STK33: variants seen among roughly 807,000 people sequenced by gnomAD.
STK33 encodes the protein serine/threonine-protein kinase 33.
Under a neutral mutation model 58.0 loss-of-function variants are expected in STK33, and 52 were observed. That is an observed-to-expected ratio of 0.90 (90% CI 0.72 to 1.13). The LOEUF is 1.13. Ranked by LOEUF, STK33 falls within the 50% of genes most tolerant of loss-of-function variation. The pLI is 0.00. For missense variants in STK33, 630 were observed against 604.2 expected (o/e 1.04, Z -0.45); for synonymous variants, 215 against 200.1 (o/e 1.07, Z -0.63).
intron 1 of STK33, among the ~76,000 whole-genome samples, chr11:8,501,847 A>G (rs1303965801): frequency 6.6e-6 from 1 of 152,236 alleles, no homozygotes; most frequent in East Asian, 1.9e-4. Flanking sequence ...TGGTATATAC[A>G]TACAATAGAG....
At chr11:8,522,614 C>T (rs1005326976) in intron 1 of STK33, among the ~76,000 whole-genome samples, 3 of 152,168 alleles carry the variant, frequency 2.0e-5, no homozygotes, top group Admixed American at 1.3e-4. Flanking sequence ...CCATGATTTA[C>T]TGGATATGAC....
At chr11:8,418,821 G>T (rs1322344063) in intron 14 of STK33, among the ~76,000 whole-genome samples, 1 of 152,094 alleles carries the variant, frequency 6.6e-6, no homozygotes, top group Non-Finnish European at 1.5e-5. Context: ...CTGTGGTCTT[G>T]ATTTGAATTT....
At chr11:8,345,841 G>A in the STK33 span, among the ~76,000 whole-genome samples, 2 of 152,196 alleles carry the variant, frequency 1.3e-5, no homozygotes, top group African/African-American at 4.8e-5. Context: ...AGATGGTAGA[G>A]ACCGCTCTTA....
chr11:8,423,242 T>C (rs1942213397), intron 14 of STK33, among the ~76,000 whole-genome samples: 1 of 151,864 alleles, frequency 6.6e-6, no homozygotes, highest in African/African-American at 2.4e-5. Context: ...ATTCTACCTT[T>C]GTGTTCTATT....
intron 14 of STK33, among the ~76,000 whole-genome samples, chr11:8,431,922 T>A (rs1376401818): frequency 6.6e-6 from 1 of 152,214 alleles, no homozygotes; most frequent in African/African-American, 2.4e-5. Context: ...CTTGCTTGCC[T>A]CCATACCTCT....
At chr11:8,495,110 T>C (rs1022109024) in intron 1 of STK33, among the ~76,000 whole-genome samples, 2 of 152,184 alleles carry the variant, frequency 1.3e-5, no homozygotes, top group Non-Finnish European at 2.9e-5. Flanking sequence ...CTAATTAAAC[T>C]GAAGAGCTTC....
chr11:8,391,191 G>A (rs1848616398), downstream of STK33, among the ~76,000 whole-genome samples: 1 of 152,176 alleles, frequency 6.6e-6, no homozygotes, highest in South Asian at 2.1e-4. Flanking sequence ...AAAGCTTAAA[G>A]CTCAGGATAT....
the STK33 span, among the ~76,000 whole-genome samples, chr11:8,353,871 A>G: frequency 6.6e-6 from 1 of 152,210 alleles, no homozygotes; most frequent in Non-Finnish European, 1.5e-5. Flanking sequence ...ATTTGGAACC[A>G]AATGTGACCA....
At chr11:8,463,890 G>A (rs554798002) in intron 7 of STK33, among the ~76,000 whole-genome samples, 2 of 152,200 alleles carry the variant, frequency 1.3e-5, no homozygotes, top group East Asian at 3.9e-4. Context: ...GATGCTACCC[G>A]AATTCTAAAG....
intron 1 of STK33, among the ~76,000 whole-genome samples, chr11:8,522,498 T>C (rs1044167299): frequency 3.9e-5 from 6 of 152,048 alleles, no homozygotes; most frequent in Admixed American, 6.6e-5. Flanking sequence ...AATTGGATCT[T>C]TATCTAACAC....
At chr11:8,584,918 G>A (rs2031212842) in intron 1 of STK33, among the ~76,000 whole-genome samples, 1 of 135,742 alleles carries the variant, frequency 7.4e-6, no homozygotes, top group Non-Finnish European at 1.6e-5. Context: ...AAAAGACAAA[G>A]AAAATGATTT....
At chr11:8,477,469 T>C (rs188163749) in intron 2 of STK33, among the ~76,000 whole-genome samples, 186 bp from the exon 3 acceptor site, 4 of 152,162 alleles carry the variant, frequency 2.6e-5, no homozygotes, top group African/African-American at 4.8e-5. Context: ...ATTAAGAATA[T>C]TGATTTTATG....
chr11:8,444,651 T>A (rs868629076), intron 11 of STK33, among the ~76,000 whole-genome samples: 16 of 152,040 alleles, frequency 1.1e-4, no homozygotes, highest in African/African-American at 3.9e-4. Context: ...TAAGTAAACA[T>A]AATATGCATA....
chr11:8,578,141 C>T (rs557530187), intron 1 of STK33, among the ~76,000 whole-genome samples: 21 of 152,232 alleles, frequency 1.4e-4, no homozygotes, highest in African/African-American at 5.1e-4. Flanking sequence ...TGATATGGAG[C>T]TCTGCTAATA....
intron 6 of STK33, chr11:8,466,107 A>T (rs1948149853): frequency 6.6e-6 from 1 of 152,160 alleles, no homozygotes; most frequent in Non-Finnish European, 1.5e-5. Flanking sequence ...GAATTATGGG[A>T]GCTACAAGGT....
At chr11:8,532,750 T>G (rs1954653972) in intron 1 of STK33, among the ~76,000 whole-genome samples, 1 of 152,206 alleles carries the variant, frequency 6.6e-6, no homozygotes, top group Non-Finnish European at 1.5e-5. Context: ...AAAGGGTAAC[T>G]TGCAGCATGC....
chr11:8,384,066 C>A, the STK33 span, among the ~76,000 whole-genome samples: 1 of 151,884 alleles, frequency 6.6e-6, no homozygotes, highest in Admixed American at 6.6e-5. Context: ...ACCCAGGTGC[C>A]GAGGCAAGAG....
At chr11:8,562,236 G>T (rs1375465577) in intron 1 of STK33, among the ~76,000 whole-genome samples, 12 of 152,100 alleles carry the variant, frequency 7.9e-5, no homozygotes, top group Admixed American at 7.9e-4. Flanking sequence ...ATGTTCATTT[G>T]ATTCAGTTAA....
intron 14 of STK33, among the ~76,000 whole-genome samples, chr11:8,426,187 C>G (rs1942719502): frequency 6.6e-6 from 1 of 152,132 alleles, no homozygotes; most frequent in South Asian, 2.1e-4. Context: ...GATGGGGAGC[C>G]AGAAGGGAGA....
Sources: gnomAD v4.1 joint callset for allele counts (sites outside exome capture counted in the v4.1 genomes callset) on GRCh38, gnomAD v4.1.1 for gene constraint, MANE v1.5 for transcripts, NCBI Gene and HGNC (gene_info 2026-07-23, HGNC 2026-07-21) for gene names.